The following SORCS3 variants were observed in gnomAD, a reference collection of about 807,000 sequenced individuals.
The protein encoded by SORCS3 is sortilin related VPS10 domain containing receptor 3.
SORCS3 carries 57 observed loss-of-function variants against 146.3 expected under a neutral mutation model. The ratio of observed to expected loss-of-function variants is 0.39; its 90% CI spans 0.31 to 0.49. The LOEUF (loss-of-function observed/expected upper bound fraction) is 0.49, where lower values mean the gene tolerates loss of function less well. Among genes scored for constraint, SORCS3 ranks in the 20% least tolerant of loss-of-function variants. The pLI is 0.92. For missense variants in SORCS3, 1,341 were observed against 1,575.5 expected, an observed-to-expected ratio of 0.85 and a Z score of 2.52; for synonymous variants, 653 against 618.5, an observed-to-expected ratio of 1.06 and a Z score of -0.83.
chr10:104,658,198 A>C (rs1221408545), intron 1 of SORCS3, among the ~76,000 whole-genome samples: 1 of 152,224 alleles, frequency 6.6e-6, no homozygotes, highest in African/African-American at 2.4e-5. Context: ...AACTGAATAT[A>C]TGCTTCTTCC....
rs1165098920 is a variant in SORCS3, at chr10:104,973,091, T to A, written c.796-4244T>A. On this transcript the variant is annotated intron_variant, in intron 3 of 26. Coordinates refer to ENST00000369701, the MANE Select transcript of SORCS3 (RefSeq NM_014978.3). ...GCTTTTTGATGTGCTGCTGGATTCG[T>A]TTTGCCAGTATTTTATTGAGGATTT... is the stretch of plus-strand genomic sequence containing the variant. 2.6e-5 allele frequency among the ~76,000 whole-genome samples: 4 copies of A among 151,870 alleles called. No homozygotes were observed. The East Asian group carries it at 5.8e-4, about 22-fold the overall frequency.
chr10:105,073,212 A>T (rs557860861), intron 5 of SORCS3, among the ~76,000 whole-genome samples: 3 of 152,280 alleles, frequency 2.0e-5, no homozygotes, highest in East Asian at 3.9e-4. Flanking sequence ...CAGATCAGCC[A>T]GGTTTAGCTT....
intron 14 of SORCS3, among the ~76,000 whole-genome samples, chr10:105,186,006 C>T (rs1390175823): frequency 6.6e-6 from 1 of 152,136 alleles, no homozygotes; most frequent in African/African-American, 2.4e-5. Flanking sequence ...TATAAATATG[C>T]ACAATTTATT....
chr10:104,828,809 T>C (rs2017968502), intron 1 of SORCS3, among the ~76,000 whole-genome samples: 1 of 152,196 alleles, frequency 6.6e-6, no homozygotes, highest in Non-Finnish European at 1.5e-5. Flanking sequence ...ATTGCTTTCA[T>C]TATCTTCCCA....
At chr10:105,086,852 C>T (rs946442040) in intron 5 of SORCS3, among the ~76,000 whole-genome samples, 3 of 152,194 alleles carry the variant, frequency 2.0e-5, no homozygotes, top group African/African-American at 7.2e-5. Flanking sequence ...TTCTCCCGTT[C>T]TGTAGGTTGC....
intron 18 of SORCS3, among the ~76,000 whole-genome samples, chr10:105,216,584 T>A (rs1343267799): frequency 6.6e-6 from 1 of 152,150 alleles, no homozygotes; most frequent in Non-Finnish European, 1.5e-5. Context: ...GCTACTATGA[T>A]TGCAATTATT....
At chr10:104,820,300 G>A (rs1296281404) in intron 1 of SORCS3, among the ~76,000 whole-genome samples, 1 of 152,162 alleles carries the variant, frequency 6.6e-6, no homozygotes. Context: ...TGTTGCAAGG[G>A]TTAAATGAGA....
chr10:105,170,483 A>G (rs928459523), intron 13 of SORCS3, among the ~76,000 whole-genome samples: 18 of 152,210 alleles, frequency 1.2e-4, no homozygotes, highest in Non-Finnish European at 1.8e-4. Flanking sequence ...ATCACCCTCC[A>G]TTTGTTTGGC....
chr10:104,987,534 T>C (rs895065350), intron 4 of SORCS3, among the ~76,000 whole-genome samples: 2 of 152,220 alleles, frequency 1.3e-5, no homozygotes, highest in Admixed American at 6.5e-5. Context: ...AGGAGTATGT[T>C]GTAGAAGAAA....
At chr10:105,041,147 G>A (rs1179229157) in intron 4 of SORCS3, among the ~76,000 whole-genome samples, 3 of 147,878 alleles carry the variant, frequency 2.0e-5, no homozygotes, top group Non-Finnish European at 4.5e-5. Context: ...GCAACAGTTG[G>A]TTAGCAATGC....
At chr10:105,068,614 T>C (rs34180346) in intron 5 of SORCS3, among the ~76,000 whole-genome samples, 1,973 of 152,304 alleles carry the variant, frequency 0.013, 20 homozygotes, top group Admixed American at 0.025. Flanking sequence ...GAGAGAATTA[T>C]TTAAAAAAAA....
rs1037793997 is a variant in SORCS3, at chr10:104,641,674, G to A, written c.347G>A (p.Gly116Asp). The A allele has an allele frequency of 2.0e-6, 3 of 1,527,180 alleles. No homozygotes were observed. Among genetic ancestry groups the A allele is most frequent in the African/African-American group, 1.4e-5 (1 of 72,228 alleles). 94.6% of individuals were successfully genotyped at this position (1,527,180 alleles called of 1,614,324 possible). A position where few individuals can be genotyped will look rare whatever the true frequency, so the allele number is the denominator to read the frequency against. ...ACATCACCGGCAGGCGAGCGGCGGGGCCGGGGCATCCCAGCTCCTGCCAAG... is the reference window on the plus strand; with the variant it reads ...ACATCACCGGCAGGCGAGCGGCGGGACCGGGGCATCCCAGCTCCTGCCAAG... ...GGTSPAGERR[G>D]RGIPAPAKLG... Residue 116 changes from glycine to aspartate, a missense_variant, in exon 1 of 27, where the codon GGC becomes GAC. Gly to Asp is a moderately conservative substitution (Grantham distance 94). Coordinates refer to ENST00000369701, the MANE Select transcript of SORCS3 (RefSeq NM_014978.3). The surrounding 1 kb of genome is among the most constrained non-coding windows in gnomAD (Gnocchi z 6.4).
chr10:104,823,433 G>A (rs1169980831), intron 1 of SORCS3, among the ~76,000 whole-genome samples: 1 of 151,944 alleles, frequency 6.6e-6, no homozygotes, highest in African/African-American at 2.4e-5. Flanking sequence ...GCAGTTTTTA[G>A]CGACAACTTT....
intron 22 of SORCS3, among the ~76,000 whole-genome samples, chr10:105,249,392 T>C (rs2056886052): frequency 6.6e-6 from 1 of 152,020 alleles, no homozygotes; most frequent in African/African-American, 2.4e-5. Flanking sequence ...AAAGAGGAGT[T>C]GGGGGACAAG....
intron 1 of SORCS3, among the ~76,000 whole-genome samples, chr10:104,839,221 G>A (rs768031629): frequency 6.6e-6 from 1 of 152,210 alleles, no homozygotes; most frequent in Non-Finnish European, 1.5e-5. Context: ...GGCCACTCAT[G>A]TAACGTTCAG....
intron 1 of SORCS3, among the ~76,000 whole-genome samples, chr10:104,646,779 T>C (rs1453804504): frequency 6.6e-6 from 1 of 151,962 alleles, no homozygotes; most frequent in African/African-American, 2.4e-5. Context: ...AGGTGGGAGA[T>C]ATAGAATGTG....
At chr10:104,850,059 C>T (rs879658029) in intron 2 of SORCS3, among the ~76,000 whole-genome samples, 8 of 152,150 alleles carry the variant, frequency 5.3e-5, no homozygotes, top group South Asian at 4.1e-4. Context: ...AGTGTTAACT[C>T]GGTCTTTATT....
chr10:104,822,959 G>A (rs2017892033), intron 1 of SORCS3, among the ~76,000 whole-genome samples: 1 of 152,138 alleles, frequency 6.6e-6, no homozygotes, highest in South Asian at 2.1e-4. Flanking sequence ...TCTGGGCTAG[G>A]ACCTAGACCA....
chr10:105,146,100 G>A (rs1337459680), intron 8 of SORCS3, among the ~76,000 whole-genome samples: 1 of 152,056 alleles, frequency 6.6e-6, no homozygotes, highest in South Asian at 2.1e-4. Context: ...ACAGCAACAC[G>A]GTTGCCTTTC....
Sources: allele counts gnomAD v4.1 joint callset (sites outside exome capture counted in the v4.1 genomes callset), GRCh38; gene constraint gnomAD v4.1.1; non-coding constraint Gnocchi (gnomAD v3.1); transcripts MANE v1.5; gene names NCBI Gene and HGNC (gene_info 2026-07-23, HGNC 2026-07-21).